CACNA2D3: variants seen among roughly 807,000 people sequenced by gnomAD.
CACNA2D3 encodes the protein voltage-dependent calcium channel subunit alpha-2/delta-3.
CACNA2D3 carries 60 observed loss-of-function variants against 160.6 expected under a neutral mutation model. The observed-to-expected ratio is 0.37, with a 90% CI of 0.30 to 0.46. The LOEUF is 0.46. CACNA2D3 is among the 20% of genes least tolerant of loss of function. CACNA2D3 has a pLI of 1.00. For missense variants in CACNA2D3, 1,205 were observed against 1,365.0 expected (o/e 0.88, Z 1.85); for synonymous variants, 558 against 492.9 (o/e 1.13, Z -1.75).
chr3:54,885,173 G>A lies in CACNA2D3; in HGVS notation c.1913-108G>A, dbSNP rs140130222. The A allele has an allele frequency of 2.6e-4, 281 of 1,077,152 alleles. 3 individuals carry two copies. The East Asian group carries it at 6.6e-3, about 25-fold the overall frequency. The allele number at this position is 1,077,152 out of a possible 1,614,324, so 66.7% of individuals were successfully genotyped here. A position where few individuals can be genotyped will look rare whatever the true frequency, so the allele number is the denominator to read the frequency against. On this transcript the variant is annotated intron_variant, in intron 21 of 37. Transcript: ENST00000474759. ...GCTCCAAGGCAGGTCCCTTAGGGTT[G>A]ATGTCTACCCTTAACCCACCCCGCA...
intron 9 of CACNA2D3, among the ~76,000 whole-genome samples, chr3:54,620,262 G>A (rs1431425073): frequency 6.6e-6 from 1 of 152,134 alleles, no homozygotes; most frequent in African/African-American, 2.4e-5. Context: ...TGACAGAACT[G>A]AAAATGAAAG....
chr3:54,257,986 A>G (rs1333559715), intron 2 of CACNA2D3, among the ~76,000 whole-genome samples: 1 of 152,168 alleles, frequency 6.6e-6, no homozygotes, highest in Non-Finnish European at 1.5e-5. Flanking sequence ...TCCCGATAGA[A>G]CTTGAGAGAA....
rs1226391636 is a variant in CACNA2D3 at position 54,489,742 on chromosome 3, A to G, written c.382-13750A>G. 4.6e-5 allele frequency among the ~76,000 whole-genome samples: 7 copies of G among 152,238 alleles called. No homozygotes were observed. The East Asian group carries it at 9.6e-4, about 21-fold the overall frequency. ...AAAGCTGCAGTGGAAAGCCTTCATAAGTGGCTTGTTAAGTAGGCCATTAAT... is the reference window on the plus strand; with the variant it reads ...AAAGCTGCAGTGGAAAGCCTTCATAGGTGGCTTGTTAAGTAGGCCATTAAT... On this transcript the variant is annotated intron_variant, in intron 4 of 37. Transcript: ENST00000474759.
rs1379898908 is a variant in CACNA2D3 at position 55,074,363 on chromosome 3, C to CT, written c.*159dup. 7.6e-5 allele frequency: 47 copies of CT among 618,990 alleles called. No homozygotes were observed. The highest frequency in any genetic ancestry group is 1.3e-4 in the Non-Finnish European group (44 of 349,524). 38.3% of individuals were successfully genotyped at this position (618,990 alleles called of 1,614,324 possible). ...TTTTAAACTGTGCGTGATATAAACT[C>CT]TTAAAGATATGTTGACAAAAAGTTA... On this transcript the variant is annotated 3_prime_UTR_variant, in exon 38 of 38. Transcript: ENST00000474759.
chr3:54,967,969 A>G (rs975904249), intron 27 of CACNA2D3, among the ~76,000 whole-genome samples: 1 of 152,232 alleles, frequency 6.6e-6, no homozygotes, highest in African/African-American at 2.4e-5. Context: ...AAGACACATT[A>G]TAGTAAAGTG....
At chr3:54,665,674 C>T (rs1700052602) in intron 11 of CACNA2D3, among the ~76,000 whole-genome samples, 1 of 151,802 alleles carries the variant, frequency 6.6e-6, no homozygotes, top group Non-Finnish European at 1.5e-5. Context: ...AGACTACTGA[C>T]AGGGGCCAAA....
intron 35 of CACNA2D3, among the ~76,000 whole-genome samples, chr3:55,036,184 C>T (rs1489159582): frequency 2.6e-5 from 4 of 152,152 alleles, no homozygotes; most frequent in Non-Finnish European, 5.9e-5. Context: ...CAGTGGCTCC[C>T]ACCTGTAATC....
intron 9 of CACNA2D3, among the ~76,000 whole-genome samples, chr3:54,604,756 C>G (rs1385670869): frequency 2.6e-5 from 4 of 152,182 alleles, no homozygotes; most frequent in South Asian, 4.1e-4. Flanking sequence ...CCTTCCCCAG[C>G]CCCCACTTGA....
At position 54,800,590 on chromosome 3, in the gene CACNA2D3, C is replaced by T. The variant is rs1055581972; in HGVS notation, c.1381-16263C>T. Among the ~76,000 whole-genome samples, 5 of 152,148 alleles carry T rather than the reference C, an allele frequency of 3.3e-5. No homozygotes were observed. In the South Asian group the frequency reaches 6.2e-4, roughly 19 times the overall value. ...ATGAGCAAAATGTGGGGGGCCTTCCCTCCACTGATACTCCTTAGCTATATG... is the reference window on the plus strand; with the variant it reads ...ATGAGCAAAATGTGGGGGGCCTTCCTTCCACTGATACTCCTTAGCTATATG... On this transcript the variant is annotated intron_variant, in intron 13 of 37. Coordinates refer to ENST00000474759, the MANE Select transcript of CACNA2D3 (RefSeq NM_018398.3).
chr3:54,546,602 A>G (rs1356338468), intron 5 of CACNA2D3, among the ~76,000 whole-genome samples: 29 of 152,336 alleles, frequency 1.9e-4, no homozygotes, highest in Non-Finnish European at 1.6e-4. Flanking sequence ...TTATTAAAAG[A>G]AGGTGTTTAA....
At chr3:54,771,910 C>A (rs1031295099) in intron 13 of CACNA2D3, among the ~76,000 whole-genome samples, 2 of 151,944 alleles carry the variant, frequency 1.3e-5, no homozygotes, top group African/African-American at 4.8e-5. Context: ...AAGATAATGC[C>A]AGAAGGAAAT....
chr3:54,440,174 G>T lies in CACNA2D3; in HGVS notation c.381+53400G>T, dbSNP rs114788515. Reference sequence around the variant, plus strand: ...GCCCAGCCCAGTGGACCTGGGGTTAGCCCTGTAATGCATGAATGGTTATAC... The same window carrying T: ...GCCCAGCCCAGTGGACCTGGGGTTATCCCTGTAATGCATGAATGGTTATAC... On this transcript the variant is annotated intron_variant, in intron 4 of 37. Transcript: ENST00000474759. Among the ~76,000 whole-genome samples, 1,227 of 152,274 alleles carry T rather than the reference G, an allele frequency of 8.1e-3. 10 individuals carry two copies. Among genetic ancestry groups the T allele is most frequent in the African/African-American group, 0.025 (1,042 of 41,548 alleles).
chr3:54,753,471 C>T (rs75140253), intron 12 of CACNA2D3, among the ~76,000 whole-genome samples: 20,328 of 152,148 alleles, frequency 0.13, 1,837 homozygotes, highest in Non-Finnish European at 0.19. Flanking sequence ...AGAACAGTCA[C>T]GAGATGCAGC....
chr3:54,496,924 A>G (rs573556774), intron 4 of CACNA2D3, among the ~76,000 whole-genome samples: 51 of 152,246 alleles, frequency 3.3e-4, no homozygotes, highest in African/African-American at 1.2e-3. Context: ...TCAATTGACC[A>G]TATATGTGCA....
intron 2 of CACNA2D3, among the ~76,000 whole-genome samples, chr3:54,141,094 CGCGCGTGT>C (rs764662272): frequency 3.1e-4 from 25 of 81,856 alleles, no homozygotes; most frequent in Non-Finnish European, 6.7e-4. Context: ...TGTGCGCGCG[CGCGCGTGT>C]GTGCATGCAT....
intron 13 of CACNA2D3, among the ~76,000 whole-genome samples, chr3:54,804,559 G>C (rs1383417555): frequency 6.6e-6 from 1 of 152,088 alleles, no homozygotes; most frequent in South Asian, 2.1e-4. Flanking sequence ...AGCAAGTCTT[G>C]AGTGACCTAC....
At chr3:55,015,358 A>G (rs1162250095) in intron 34 of CACNA2D3, among the ~76,000 whole-genome samples, 2 of 152,210 alleles carry the variant, frequency 1.3e-5, no homozygotes, top group Non-Finnish European at 2.9e-5. Context: ...TGCAAAACAG[A>G]TAACAACTGT....
intron 27 of CACNA2D3, among the ~76,000 whole-genome samples, chr3:54,956,723 G>A (rs1315710573): frequency 6.6e-6 from 1 of 152,096 alleles, no homozygotes; most frequent in African/African-American, 2.4e-5. Flanking sequence ...AAGCAAATCA[G>A]TCATCATTAC....
chr3:55,073,577 T>C lies in CACNA2D3; in HGVS notation c.3100+20T>C, dbSNP rs41277461. The C allele has an allele frequency of 1.9e-6, 3 of 1,579,236 alleles. No individual in the cohort carries two copies. The highest frequency in any genetic ancestry group is 2.6e-6 in the Non-Finnish European group (3 of 1,148,386). On this transcript the variant is annotated intron_variant, in intron 36 of 37. Transcript: ENST00000474759. Reference sequence around the variant, plus strand: ...TCAGGTATATCCTTTTGTGTGCAGGTCCACTCACTACCACGGAAACCAGTA... The same window carrying C: ...TCAGGTATATCCTTTTGTGTGCAGGCCCACTCACTACCACGGAAACCAGTA...
Sources: gnomAD v4.1 joint callset for allele counts (sites outside exome capture counted in the v4.1 genomes callset) on GRCh38, gnomAD v4.1.1 for gene constraint, MANE v1.5 for transcripts, NCBI Gene and HGNC (gene_info 2026-07-23, HGNC 2026-07-21) for gene names.